JRK: variants seen among roughly 807,000 people sequenced by gnomAD.
JRK encodes jerky protein homolog.
For synonymous variants in JRK, 303 were observed against 218.1 expected, an observed-to-expected ratio of 1.39 and a Z score of -3.43; for missense variants, 720 against 509.2, an observed-to-expected ratio of 1.41 and a Z score of -3.98.
chr8:142,663,380 G>A lies in JRK; in HGVS notation c.*972C>T, dbSNP rs906335688. 93 of 985,300 alleles carry A rather than the reference G, an allele frequency of 9.4e-5. No homozygotes were observed. Among genetic ancestry groups the A allele is most frequent in the Middle Eastern group, 1.0e-3 (2 of 1,936 alleles). The allele number at this position is 985,300 out of a possible 1,614,324, so 61.0% of individuals were successfully genotyped here. A position where few individuals can be genotyped will look rare whatever the true frequency, so the allele number is the denominator to read the frequency against. ...ACTCCTCCCCAAAAGTATTACTAAC[G>A]TGCTAACAGCTGGGGATAAGAGCAC... On this transcript the variant is annotated 3_prime_UTR_variant, in exon 2 of 2. Transcript: ENST00000612905.
Position 142,662,674 on chromosome 8 carries a change from C to T in JRK, c.*1678G>A, listed in dbSNP as rs139572785. On this transcript the variant is annotated 3_prime_UTR_variant, in exon 2 of 2. Coordinates refer to ENST00000612905, the MANE Select transcript of JRK (RefSeq NM_003724.4). ...GGGCTCTGTCAGCAATGACTTTTGC[C>T]CCTGTATCTACAGAGATGTGAAAGT... 1,537 of 985,384 alleles carry T rather than the reference C, an allele frequency of 1.6e-3. 55 individuals carry two copies. The Admixed American group carries it at 0.075, about 48-fold the overall frequency. The allele number at this position is 985,384 out of a possible 1,614,324, so 61.0% of individuals were successfully genotyped here. A position where few individuals can be genotyped will look rare whatever the true frequency, so the allele number is the denominator to read the frequency against.
rs782382045 is a variant in JRK, at chr8:142,661,627, C to T, written c.*2725G>A. 2.1e-5 allele frequency: 21 copies of T among 985,304 alleles called. No individual in the cohort carries two copies. Among genetic ancestry groups the T allele is most frequent in the East Asian group, 1.1e-4 (1 of 8,818 alleles). The allele number at this position is 985,304 out of a possible 1,614,324, so 61.0% of individuals were successfully genotyped here. On this transcript the variant is annotated 3_prime_UTR_variant, in exon 2 of 2. Coordinates refer to ENST00000612905, the MANE Select transcript of JRK (RefSeq NM_003724.4). ...CAGCCTGGTGCTCACAGATAAAACG[C>T]GGAGGCATTTAAACAGGACCAGAGA...
chr8:142,661,713 CAG>C lies in JRK; in HGVS notation c.*2637_*2638del. ...CCAGGGGCCTCAGCAGCCCCAGAAA[CAG>C]AGTGAAGAGACACAGCCTCACAGAG... On this transcript the variant is annotated 3_prime_UTR_variant, in exon 2 of 2. Transcript: ENST00000612905. 2.0e-6 allele frequency: 2 copies of C among 985,510 alleles called. No homozygotes were observed. Among genetic ancestry groups the C allele is most frequent in the Non-Finnish European group, 2.4e-6 (2 of 829,982 alleles). The allele number at this position is 985,510 out of a possible 1,614,324, so 61.0% of individuals were successfully genotyped here. A position where few individuals can be genotyped will look rare whatever the true frequency, so the allele number is the denominator to read the frequency against.
rs142421805 is a variant in JRK, at chr8:142,660,129, G to C, written c.*4223C>G. 3.5e-4 allele frequency: 347 copies of C among 985,546 alleles called. 1 individual carries two copies. The African/African-American group carries it at 5.7e-3, about 16-fold the overall frequency. The allele number at this position is 985,546 out of a possible 1,614,324, so 61.1% of individuals were successfully genotyped here. On this transcript the variant is annotated 3_prime_UTR_variant, in exon 2 of 2. Coordinates refer to ENST00000612905, the MANE Select transcript of JRK (RefSeq NM_003724.4). ...GCTGGGCAGGGAAGAGGACAAACAA[G>C]GTCTCACAGGTCCATTCTCCCCAGC...
chr8:142,669,175 T>C (rs143513469), intron 1 of JRK, among the ~76,000 whole-genome samples: 3 of 103,138 alleles, frequency 2.9e-5, no homozygotes, highest in African/African-American at 8.3e-5. Context: ...TGTGTGTGTG[T>C]GTGTGTGTGT....
chr8:142,646,312 G>T, the JRK span, among the ~76,000 whole-genome samples: 1 of 152,038 alleles, frequency 6.6e-6, no homozygotes, highest in Non-Finnish European at 1.5e-5. Flanking sequence ...AACTAACATT[G>T]GGAGGAACTT....
At chr8:142,647,169 G>A in the JRK span, among the ~76,000 whole-genome samples, 4 of 152,058 alleles carry the variant, frequency 2.6e-5, no homozygotes, top group African/African-American at 9.7e-5. Context: ...CTGGATCTCT[G>A]AGCTCTAGAC....
chr8:142,650,095 A>G, the JRK span, among the ~76,000 whole-genome samples: 3 of 152,274 alleles, frequency 2.0e-5, no homozygotes, highest in Non-Finnish European at 4.4e-5. Context: ...TGGAGCTTTA[A>G]GATTTGACTG....
At position 142,660,102 on chromosome 8, in the gene JRK, G is replaced by C; in HGVS notation, c.*4250C>G. On this transcript the variant is annotated 3_prime_UTR_variant, in exon 2 of 2. Transcript: ENST00000612905. ...GGACAGCCAGGCCTGGGGTCTACAA[G>C]AGCTGGGCAGGGAAGAGGACAAACA... 1.0e-6 allele frequency: 1 copy of C among 985,640 alleles called. No individual in the cohort carries two copies. Among genetic ancestry groups the C allele is most frequent in the Non-Finnish European group, 1.2e-6 (1 of 830,068 alleles). 61.1% of individuals were successfully genotyped at this position (985,640 alleles called of 1,614,324 possible).
Position 142,658,675 on chromosome 8 carries a change from C to T in JRK, c.*5677G>A. 8.7e-7 allele frequency: 1 copy of T among 1,149,850 alleles called. No individual in the cohort carries two copies. The highest frequency in any genetic ancestry group is 1.2e-6 in the Non-Finnish European group (1 of 859,434). The allele number at this position is 1,149,850 out of a possible 1,614,324, so 71.2% of individuals were successfully genotyped here. ...CCAAAGGCCCCACCTCCTAATACCA[C>T]CCTCCTGGGGGTCAGGGTTTCAACA... is the stretch of plus-strand genomic sequence containing the variant. On this transcript the variant is annotated 3_prime_UTR_variant, in exon 2 of 2. Transcript: ENST00000612905.
In JRK at chr8:142,659,249, C is replaced by T; in HGVS notation, c.*5103G>A. The T allele has an allele frequency of 4.7e-5, 52 of 1,098,942 alleles. No homozygotes were observed. Among genetic ancestry groups the T allele is most frequent in the Non-Finnish European group, 5.6e-5 (50 of 899,262 alleles). 68.1% of individuals were successfully genotyped at this position (1,098,942 alleles called of 1,614,324 possible). On this transcript the variant is annotated 3_prime_UTR_variant, in exon 2 of 2. Coordinates refer to ENST00000612905, the MANE Select transcript of JRK (RefSeq NM_003724.4). ...CAAGACCTCGAGAGAGGAAATGGGCCCAGGGACATGCCTTGGCTTGGGGTG... is the reference window on the plus strand; with the variant it reads ...CAAGACCTCGAGAGAGGAAATGGGCTCAGGGACATGCCTTGGCTTGGGGTG...
Position 142,662,103 on chromosome 8 carries a change from C to T in JRK, c.*2249G>A, listed in dbSNP as rs1002387159. 7 of 985,596 alleles carry T rather than the reference C, an allele frequency of 7.1e-6. No individual in the cohort carries two copies. In the African/African-American group the frequency reaches 1.0e-4, roughly 15 times the overall value. The allele number at this position is 985,596 out of a possible 1,614,324, so 61.1% of individuals were successfully genotyped here. ...ACCTAGAGTCAGGCTCCAGGCCTTG[C>T]TGCAGTTGGTCTGGAAGAGGGGCAC... On this transcript the variant is annotated 3_prime_UTR_variant, in exon 2 of 2. Coordinates refer to ENST00000612905, the MANE Select transcript of JRK (RefSeq NM_003724.4).
chr8:142,648,485 T>TA, the JRK span, among the ~76,000 whole-genome samples: 1 of 152,174 alleles, frequency 6.6e-6, no homozygotes, highest in Admixed American at 6.5e-5. Flanking sequence ...GGGGCCAACA[T>TA]AGAGCTCAGG....
chr8:142,648,794 G>A, the JRK span, among the ~76,000 whole-genome samples: 96 of 152,310 alleles, frequency 6.3e-4, no homozygotes, highest in Middle Eastern at 3.4e-3. Context: ...CCCCAGAATG[G>A]TAGATCCACT....
In JRK at chr8:142,664,700, AG is replaced by A. The variant is rs1169396080; in HGVS notation, c.1358del (p.Pro453LeufsTer76). The stretch of plus-strand genomic sequence containing the variant: ...CAACCTCTGCTGGCGACGTGGCAGC[AG>A]GGGGCCGTCCCCCTTCTGCCTCCCT... Reference protein sequence around the residue: ...AGREAEGGRPPAATSPAEVVW... With the variant: ...AGREAEGGRPXAATSPAEVVW... On this transcript the variant is annotated frameshift_variant, in exon 2 of 2. Transcript: ENST00000612905. LOFTEE classifies it low-confidence loss of function (END_TRUNC). The A allele has an allele frequency of 9.9e-6, 16 of 1,608,082 alleles. No homozygotes were observed. Among genetic ancestry groups the A allele is most frequent in the African/African-American group, 2.7e-5 (2 of 74,800 alleles).
chr8:142,666,685 G>A (rs1847138353), intron 1 of JRK, among the ~76,000 whole-genome samples, 165 bp from the exon 2 acceptor site: 1 of 152,220 alleles, frequency 6.6e-6, no homozygotes, highest in Non-Finnish European at 1.5e-5. Context: ...GGCCCCGGGA[G>A]CAGCCCAGCC....
Position 142,659,041 on chromosome 8 carries a change from G to A in JRK, c.*5311C>T. 6.8e-7 allele frequency: 1 copy of A among 1,471,032 alleles called. No homozygotes were observed. The highest frequency in any genetic ancestry group is 9.0e-7 in the Non-Finnish European group (1 of 1,105,108). 91.1% of individuals were successfully genotyped at this position (1,471,032 alleles called of 1,614,324 possible). Reference sequence around the variant, plus strand: ...CCCTCTGCCAGGGAGAATGGTGGAGGAAGAATGGATTCCTAGTGTATTTTT... The same window carrying A: ...CCCTCTGCCAGGGAGAATGGTGGAGAAAGAATGGATTCCTAGTGTATTTTT... On this transcript the variant is annotated 3_prime_UTR_variant, in exon 2 of 2. Transcript: ENST00000612905.
Position 142,661,512 on chromosome 8 carries a change from C to T in JRK, c.*2840G>A. On this transcript the variant is annotated 3_prime_UTR_variant, in exon 2 of 2. Transcript: ENST00000612905. ...TGGAAGCAGCCACAGAGGTCCCAAA[C>T]CATATGACGCAGCACCTGCTACCCC... is the stretch of plus-strand genomic sequence containing the variant. 1 of 985,460 alleles carries T rather than the reference C, an allele frequency of 1.0e-6. No individual in the cohort carries two copies. Among genetic ancestry groups the T allele is most frequent in the Non-Finnish European group, 1.2e-6 (1 of 829,972 alleles). The allele number at this position is 985,460 out of a possible 1,614,324, so 61.0% of individuals were successfully genotyped here. A position where few individuals can be genotyped will look rare whatever the true frequency, so the allele number is the denominator to read the frequency against.
intron 1 of JRK, among the ~76,000 whole-genome samples, chr8:142,667,810 C>T (rs7007891): frequency 0.6 from 90,865 of 152,152 alleles, 28,448 homozygotes; most frequent in Admixed American, 0.69. Flanking sequence ...AAAGACAATG[C>T]GGGTCATTCT....
Sources: allele counts gnomAD v4.1 joint callset (sites outside exome capture counted in the v4.1 genomes callset), GRCh38; gene constraint gnomAD v4.1.1; transcripts MANE v1.5; gene names NCBI Gene and HGNC (gene_info 2026-07-23, HGNC 2026-07-21).